Variants in MAGI2 observed in about 807,000 individuals in gnomAD.
MAGI2 encodes membrane associated guanylate kinase, WW and PDZ domain containing 2, also known as membrane-associated guanylate kinase, WW and PDZ domain-containing protein 2.
Under a neutral mutation model 133.3 loss-of-function variants are expected in MAGI2, and 35 were observed. The ratio of observed to expected loss-of-function variants is 0.26; its 90% CI spans 0.20 to 0.35. The LOEUF is 0.35. Among genes scored for constraint, MAGI2 ranks in the 10% least tolerant of loss-of-function variants. The pLI, the probability that MAGI2 is intolerant of heterozygous loss-of-function variation, is 1.00. For synonymous variants in MAGI2, 729 were observed against 710.6 expected (o/e 1.03, Z -0.41); for missense variants, 1,636 against 1,863.4 (o/e 0.88, Z 2.25).
chr7:79,435,976 C>A (rs566844244), intron 1 of MAGI2, among the ~76,000 whole-genome samples: 1 of 152,016 alleles, frequency 6.6e-6, no homozygotes, highest in South Asian at 2.1e-4. Flanking sequence ...CACACCTATA[C>A]CAACTGATCT....
At chr7:78,421,055 G>A (rs914420209) in intron 6 of MAGI2, among the ~76,000 whole-genome samples, 38 of 152,112 alleles carry the variant, frequency 2.5e-4, no homozygotes, top group Non-Finnish European at 4.9e-4. Context: ...AGTTTTGAAC[G>A]GACTCAAGGA....
At chr7:79,340,496 T>A (rs1229120403) in intron 1 of MAGI2, among the ~76,000 whole-genome samples, 1 of 152,158 alleles carries the variant, frequency 6.6e-6, no homozygotes, top group African/African-American at 2.4e-5. Context: ...CAATGCATAG[T>A]AAAACTTTAG....
intron 15 of MAGI2, among the ~76,000 whole-genome samples, chr7:78,165,596 C>T (rs1383636336): frequency 6.6e-6 from 1 of 152,160 alleles, no homozygotes; most frequent in Non-Finnish European, 1.5e-5. Flanking sequence ...TTTTCCCACA[C>T]ACAGCACTGC....
chr7:78,648,405 C>G (rs1050064308), intron 2 of MAGI2, among the ~76,000 whole-genome samples: 1 of 152,210 alleles, frequency 6.6e-6, no homozygotes, highest in Non-Finnish European at 1.5e-5. Context: ...CACTGCTATG[C>G]CTATTTTTGT....
intron 2 of MAGI2, among the ~76,000 whole-genome samples, chr7:78,936,089 T>C (rs1405890461): frequency 6.6e-6 from 1 of 152,070 alleles, no homozygotes; most frequent in Non-Finnish European, 1.5e-5. Context: ...GTAAATTACA[T>C]GAATATTAAT....
rs555408837 is a variant in MAGI2, at chr7:78,388,132, G to A, written c.1046-18919C>T. On this transcript the variant is annotated intron_variant, in intron 6 of 21. Coordinates refer to ENST00000354212, the MANE Select transcript of MAGI2 (RefSeq NM_012301.4). ...CACACAAATATGATCTGAGTGTTGGGTTTTCTTGCATAAGCCTCAGTTTAT... is the reference window on the plus strand; with the variant it reads ...CACACAAATATGATCTGAGTGTTGGATTTTCTTGCATAAGCCTCAGTTTAT... Among the ~76,000 whole-genome samples the A allele has an allele frequency of 2.6e-5, 4 of 152,178 alleles. No individual in the cohort carries two copies. In the South Asian group the frequency reaches 8.3e-4, roughly 32 times the overall value.
At chr7:79,394,264 T>C (rs1321123693) in intron 1 of MAGI2, among the ~76,000 whole-genome samples, 1 of 152,160 alleles carries the variant, frequency 6.6e-6, no homozygotes, top group Non-Finnish European at 1.5e-5. Flanking sequence ...CCCCTATGCT[T>C]AGAGCCCATG....
intron 2 of MAGI2, among the ~76,000 whole-genome samples, chr7:78,978,569 T>A (rs909505822): frequency 6.6e-6 from 1 of 151,848 alleles, no homozygotes; most frequent in African/African-American, 2.4e-5. Flanking sequence ...ATTGTAATGG[T>A]GGTACATGAT....
In MAGI2 at chr7:78,804,290, A is replaced by G. The variant is rs79079611; in HGVS notation, c.419-177051T>C. Among the ~76,000 whole-genome samples the G allele has an allele frequency of 9.1e-3, 1,390 of 152,232 alleles. 18 individuals are homozygous for G. Among genetic ancestry groups the G allele is most frequent in the African/African-American group, 0.032 (1,322 of 41,520 alleles). ...TGGGGACAAGCTACCGTCTTGCAAT[A>G]TAGAAACACATTAACGGTGTCAAGA... On this transcript the variant is annotated intron_variant, in intron 2 of 21. Transcript: ENST00000354212.
chr7:78,202,260 T>C (rs1022922513), intron 10 of MAGI2, among the ~76,000 whole-genome samples: 2 of 152,154 alleles, frequency 1.3e-5, no homozygotes, highest in African/African-American at 2.4e-5. Flanking sequence ...TTTCCATTTG[T>C]AGGAAATATC....
intron 2 of MAGI2, among the ~76,000 whole-genome samples, chr7:78,948,899 T>A (rs1436412702): frequency 6.6e-6 from 1 of 152,078 alleles, no homozygotes; most frequent in Non-Finnish European, 1.5e-5. Context: ...CCTATAATAA[T>A]CTGAATGGAA....
intron 2 of MAGI2, among the ~76,000 whole-genome samples, chr7:78,881,668 T>C (rs1393895670): frequency 6.6e-6 from 1 of 152,056 alleles, no homozygotes; most frequent in Non-Finnish European, 1.5e-5. Context: ...CACACAATTA[T>C]GTGGAAATTA....
At chr7:79,439,944 T>C (rs1445984380) in intron 1 of MAGI2, among the ~76,000 whole-genome samples, 1 of 152,104 alleles carries the variant, frequency 6.6e-6, no homozygotes, top group Non-Finnish European at 1.5e-5. Flanking sequence ...TCTTCAACCC[T>C]GTGACATGTG....
chr7:78,947,764 C>G (rs908848333), intron 2 of MAGI2, among the ~76,000 whole-genome samples: 1 of 151,906 alleles, frequency 6.6e-6, no homozygotes, highest in African/African-American at 2.4e-5. Context: ...TAAAATAAAC[C>G]TTTTGATTAA....
At chr7:78,910,693 T>C (rs1798337740) in intron 2 of MAGI2, among the ~76,000 whole-genome samples, 1 of 152,222 alleles carries the variant, frequency 6.6e-6, no homozygotes. Flanking sequence ...GTTAGTTTGG[T>C]AAATGTTATA....
chr7:78,837,651 A>G (rs1791758681), intron 2 of MAGI2, among the ~76,000 whole-genome samples: 1 of 152,164 alleles, frequency 6.6e-6, no homozygotes, highest in African/African-American at 2.4e-5. Context: ...ATATTTCTTA[A>G]AAGCTTTGGC....
At chr7:78,488,725 A>G (rs1793308579) in intron 6 of MAGI2, among the ~76,000 whole-genome samples, 1 of 152,080 alleles carries the variant, frequency 6.6e-6, no homozygotes, top group South Asian at 2.1e-4. Flanking sequence ...ATATATGTTC[A>G]TATAAATTAC....
chr7:79,147,758 G>A (rs1438008268), intron 1 of MAGI2, among the ~76,000 whole-genome samples: 1 of 144,878 alleles, frequency 6.9e-6, no homozygotes, highest in African/African-American at 2.9e-5. Flanking sequence ...AATGGAGCAG[G>A]AGGGACAGGA....
intron 2 of MAGI2, among the ~76,000 whole-genome samples, chr7:78,661,359 T>G (rs1009125493): frequency 5.4e-4 from 83 of 152,298 alleles, no homozygotes; most frequent in South Asian, 5.4e-3. Flanking sequence ...AAGTTCTGCA[T>G]TTTTAACTGC....
Sources: allele counts gnomAD v4.1 joint callset (sites outside exome capture counted in the v4.1 genomes callset), GRCh38; gene constraint gnomAD v4.1.1; transcripts MANE v1.5; gene names NCBI Gene and HGNC (gene_info 2026-07-23, HGNC 2026-07-21).